PDE11A: variants seen among roughly 807,000 people sequenced by gnomAD.
The protein encoded by PDE11A is phosphodiesterase 11A.
In PDE11A, 100 loss-of-function variants were observed where a neutral mutation model predicts 100.5. That is an observed-to-expected ratio of 1.00 (90% CI 0.85 to 1.18). The LOEUF (loss-of-function observed/expected upper bound fraction) is 1.18, where lower values mean the gene tolerates loss of function less well. Among genes scored for constraint, PDE11A ranks in the 50% most tolerant of loss-of-function variants. The pLI is 0.00. For missense variants in PDE11A, 1,141 were observed against 1,152.6 expected (o/e 0.99, Z 0.15); for synonymous variants, 381 against 420.8 (o/e 0.91, Z 1.16).
chr2:177,863,412 A>T (rs1308009267), intron 5 of PDE11A, among the ~76,000 whole-genome samples: 1 of 152,084 alleles, frequency 6.6e-6, no homozygotes, highest in Admixed American at 6.6e-5. Context: ...ATTGGGAACA[A>T]ATATTTGCAA....
intron 9 of PDE11A, among the ~76,000 whole-genome samples, chr2:177,810,954 T>G (rs189307530): frequency 3.4e-4 from 52 of 152,182 alleles, no homozygotes; most frequent in African/African-American, 1.2e-3. Flanking sequence ...TTTTTCTTAC[T>G]CTCTGTCAAA....
At chr2:177,850,391 G>A (rs1213691493) in intron 5 of PDE11A, among the ~76,000 whole-genome samples, 3 of 152,036 alleles carry the variant, frequency 2.0e-5, no homozygotes, top group African/African-American at 7.2e-5. Flanking sequence ...AATTCAAGAT[G>A]GATTAAAGAC....
chr2:177,914,455 C>A (rs1270248962), intron 2 of PDE11A, among the ~76,000 whole-genome samples: 2 of 152,110 alleles, frequency 1.3e-5, no homozygotes, highest in African/African-American at 2.4e-5. Flanking sequence ...TATAACTCTG[C>A]CAAGGTTATT....
intron 4 of PDE11A, among the ~76,000 whole-genome samples, chr2:177,891,081 G>C (rs1239251119): frequency 6.6e-6 from 1 of 152,034 alleles, no homozygotes; most frequent in Non-Finnish European, 1.5e-5. Context: ...TACTCATTTT[G>C]GTCTCATCTC....
In PDE11A at chr2:177,663,899, C is replaced by T. The variant is rs542980225; in HGVS notation, c.2613G>A (p.Glu871=). The T allele has an allele frequency of 1.2e-6, 2 of 1,611,294 alleles. No homozygotes were observed. The highest frequency in any genetic ancestry group is 2.2e-5 in the South Asian group (2 of 91,034). The part of the protein sequence containing the change: ...RKDELPRLQL[E]WIDSICMPLY... ...AAGGCATGCAGATGCTATCAATCCA[C>T]TCCAGTTGCAACCGAGGCAGTTCAT... is the stretch of plus-strand genomic sequence containing the variant. Residue 871 remains glutamate, a synonymous_variant, in exon 19 of 20, where the codon GAG becomes GAA. Transcript: ENST00000286063.
chr2:177,998,969 C>G (rs1430711662), intron 2 of PDE11A, among the ~76,000 whole-genome samples: 1 of 152,212 alleles, frequency 6.6e-6, no homozygotes. Flanking sequence ...CACTCTAGAT[C>G]TAGTGCAAAA....
chr2:177,666,422 A>G (rs1405250709), intron 18 of PDE11A, among the ~76,000 whole-genome samples: 2 of 152,234 alleles, frequency 1.3e-5, no homozygotes, highest in African/African-American at 4.8e-5. Flanking sequence ...ACCTAGAGGT[A>G]GAATTTCTAA....
intron 10 of PDE11A, among the ~76,000 whole-genome samples, chr2:177,730,135 G>A (rs2081660479): frequency 6.6e-6 from 1 of 152,076 alleles, no homozygotes; most frequent in African/African-American, 2.4e-5. Context: ...GTGCAGGTTT[G>A]TTACACATGT....
chr2:177,901,745 T>G (rs150718348), intron 3 of PDE11A, among the ~76,000 whole-genome samples: 91 of 152,338 alleles, frequency 6.0e-4, no homozygotes, highest in African/African-American at 2.0e-3. Context: ...CAAAAAGCCC[T>G]GTTATTAATG....
At chr2:178,079,055 C>A (rs1199733471) in intron 2 of PDE11A, among the ~76,000 whole-genome samples, 1 of 152,148 alleles carries the variant, frequency 6.6e-6, no homozygotes, top group Non-Finnish European at 1.5e-5. Flanking sequence ...CAATAGCAAT[C>A]CATAACTAGT....
At chr2:178,096,169 CTTT>C (rs71010857) in intron 2 of PDE11A, among the ~76,000 whole-genome samples, 1 of 120,108 alleles carries the variant, frequency 8.3e-6, no homozygotes. Flanking sequence ...CTTTTCTTTT[CTTT>C]TTTTTTTTTG....
intron 10 of PDE11A, among the ~76,000 whole-genome samples, chr2:177,743,749 C>A (rs1418361094): frequency 4.0e-5 from 6 of 151,840 alleles, no homozygotes; most frequent in Non-Finnish European, 7.4e-5. Flanking sequence ...ATATTATAAC[C>A]CTAAAGGGAA....
At chr2:177,676,305 C>T (rs890858292) in intron 16 of PDE11A, among the ~76,000 whole-genome samples, 8 of 152,174 alleles carry the variant, frequency 5.3e-5, no homozygotes, top group African/African-American at 1.9e-4. Flanking sequence ...CACTCTGTCC[C>T]AAATCTGCTT....
chr2:177,788,784 T>A (rs2082581246), intron 9 of PDE11A, among the ~76,000 whole-genome samples: 1 of 151,924 alleles, frequency 6.6e-6, no homozygotes, highest in South Asian at 2.1e-4. Flanking sequence ...AACTAGAAAA[T>A]CTAGGAGAAA....
intron 2 of PDE11A, among the ~76,000 whole-genome samples, chr2:177,999,924 C>T (rs1242802541): frequency 6.6e-6 from 1 of 152,232 alleles, no homozygotes; most frequent in Non-Finnish European, 1.5e-5. Flanking sequence ...TTCTTCCCCT[C>T]TTAACATACT....
intron 2 of PDE11A, chr2:178,093,098 A>T (rs1292891529): frequency 6.6e-6 from 1 of 152,200 alleles, no homozygotes; most frequent in Non-Finnish European, 1.5e-5. Flanking sequence ...AGACTTATAG[A>T]TTCTGACCTA....
intron 9 of PDE11A, among the ~76,000 whole-genome samples, chr2:177,780,263 T>C (rs1228489374): frequency 6.6e-6 from 1 of 152,144 alleles, no homozygotes; most frequent in Non-Finnish European, 1.5e-5. Flanking sequence ...TTATTTTTTA[T>C]TTTTTAGACA....
chr2:177,688,193 G>A (rs1417430574), intron 15 of PDE11A: 2 of 152,200 alleles, frequency 1.3e-5, no homozygotes, highest in Non-Finnish European at 2.9e-5. Flanking sequence ...GCAATACCAA[G>A]TATCAAGGCA....
chr2:177,665,412 C>T (rs952063364), intron 18 of PDE11A, among the ~76,000 whole-genome samples: 19 of 149,492 alleles, frequency 1.3e-4, no homozygotes, highest in African/African-American at 4.0e-4. Context: ...CCCAAGATGT[C>T]GAGGCTGTAT....
Sources: gnomAD v4.1 joint callset for allele counts (sites outside exome capture counted in the v4.1 genomes callset) on GRCh38, gnomAD v4.1.1 for gene constraint, MANE v1.5 for transcripts, NCBI Gene and HGNC (gene_info 2026-07-23, HGNC 2026-07-21) for gene names.